Variants in SAMD4A observed in about 807,000 individuals in gnomAD.
SAMD4A encodes protein Smaug homolog 1.
Under a neutral mutation model 81.3 loss-of-function variants are expected in SAMD4A, and 33 were observed. The ratio of observed to expected loss-of-function variants is 0.41; its 90% CI spans 0.31 to 0.54. The LOEUF (loss-of-function observed/expected upper bound fraction) is 0.54. Ranked by LOEUF, SAMD4A falls within the 20% of genes least tolerant of loss-of-function variation. The probability of loss-of-function intolerance (pLI) is 0.37; values close to 1 mark genes in which losing one functional copy is unlikely to be tolerated. For synonymous variants in SAMD4A, 389 were observed against 382.1 expected (o/e 1.02, Z -0.21); for missense variants, 854 against 951.1 (o/e 0.90, Z 1.34).
chr14:54,589,046 T>C (rs1188951628), intron 2 of SAMD4A, among the ~76,000 whole-genome samples: 3 of 152,224 alleles, frequency 2.0e-5, no homozygotes, highest in Non-Finnish European at 4.4e-5. Context: ...AATTATAACA[T>C]TTTCGTACTT....
intron 2 of SAMD4A, among the ~76,000 whole-genome samples, chr14:54,617,838 G>A (rs1434686877): frequency 6.6e-6 from 1 of 152,116 alleles, no homozygotes. Flanking sequence ...TGAAAGTTGG[G>A]TGCCTTATTT....
At chr14:54,759,954 G>A in intron 6 of SAMD4A, among the ~76,000 whole-genome samples, 1 of 152,042 alleles carries the variant, frequency 6.6e-6, no homozygotes, top group African/African-American at 2.4e-5. Flanking sequence ...TATTTTCCTC[G>A]CTATACCTGT....
At chr14:54,736,891 A>C in intron 3 of SAMD4A, 133 bp from the exon 4 acceptor site, 1 of 1,051,920 alleles carries the variant, frequency 9.5e-7, no homozygotes, top group Non-Finnish European at 1.4e-6. Context: ...GCCTGTATTC[A>C]ACCTGCTGTG....
intron 4 of SAMD4A, 63 bp from the exon 5 acceptor site, chr14:54,748,752 C>T (rs1486300755): frequency 1.8e-6 from 2 of 1,141,540 alleles, no homozygotes; most frequent in African/African-American, 1.5e-5. Context: ...TCCTACATCT[C>T]TCGTCATCTC....
At chr14:54,649,169 T>A (rs184415052) in intron 2 of SAMD4A, among the ~76,000 whole-genome samples, 3 of 152,344 alleles carry the variant, frequency 2.0e-5, no homozygotes, top group Non-Finnish European at 1.5e-5. Context: ...GATGTCCTAG[T>A]GAGGCTGTCG....
intron 11 of SAMD4A, 43 bp downstream of exon 11, chr14:54,776,583 C>T (rs1339109906): frequency 2.0e-6 from 3 of 1,470,300 alleles, no homozygotes; most frequent in Non-Finnish European, 1.8e-6. Flanking sequence ...AGAGGGGAGG[C>T]CAAAATAGAT....
At chr14:54,621,935 A>G (rs1447949429) in intron 2 of SAMD4A, among the ~76,000 whole-genome samples, 1 of 152,084 alleles carries the variant, frequency 6.6e-6, no homozygotes, top group South Asian at 2.1e-4. Flanking sequence ...ATCCTTACTC[A>G]TTGTGTATTG....
At position 54,688,895 on chromosome 14, in the gene SAMD4A, A is replaced by G. The variant is rs201548832; in HGVS notation, c.197-13167A>G. ...GCTGGTTAAACACAGTTTTTGATTCAGTAGATCTATAGAGAGGGTCCCAGA... is the reference window on the plus strand; with the variant it reads ...GCTGGTTAAACACAGTTTTTGATTCGGTAGATCTATAGAGAGGGTCCCAGA... On this transcript the variant is annotated intron_variant, in intron 2 of 12. Transcript: ENST00000554335. Among the ~76,000 whole-genome samples the G allele has an allele frequency of 1.1e-4, 14 of 123,220 alleles. No homozygotes were observed. The East Asian group carries it at 2.6e-3, about 23-fold the overall frequency. The allele number at this position is 123,220 out of a possible 152,430, so 80.8% of individuals were successfully genotyped here.
intron 2 of SAMD4A, among the ~76,000 whole-genome samples, chr14:54,665,180 G>T (rs1457931733): frequency 1.3e-5 from 2 of 152,150 alleles, no homozygotes; most frequent in South Asian, 2.1e-4. Flanking sequence ...TTACAGTGAG[G>T]TGATTGTTAT....
intron 2 of SAMD4A, among the ~76,000 whole-genome samples, chr14:54,615,416 A>G (rs1381309590): frequency 6.6e-6 from 1 of 152,240 alleles, no homozygotes; most frequent in African/African-American, 2.4e-5. Context: ...TGAAAAATAC[A>G]TGTTCAGAGC....
chr14:54,761,423 G>A (rs189783452), intron 7 of SAMD4A, among the ~76,000 whole-genome samples: 25 of 152,314 alleles, frequency 1.6e-4, no homozygotes, highest in South Asian at 4.1e-4. Flanking sequence ...AAAGAGTCAC[G>A]TGTCATCTGG....
At chr14:54,619,686 A>G (rs189523270) in intron 2 of SAMD4A, among the ~76,000 whole-genome samples, 31 of 152,076 alleles carry the variant, frequency 2.0e-4, no homozygotes, top group Non-Finnish European at 3.5e-4. Context: ...GTTCCCCTCT[A>G]TGTGTCCAAG....
intron 2 of SAMD4A, among the ~76,000 whole-genome samples, chr14:54,569,864 A>G (rs545429117): frequency 1.2e-4 from 18 of 152,282 alleles, no homozygotes; most frequent in Non-Finnish European, 2.2e-4. Flanking sequence ...AGTAATGGAG[A>G]TGACTTTTCC....
intron 2 of SAMD4A, among the ~76,000 whole-genome samples, chr14:54,639,801 A>AATACAC (rs34386307): frequency 1.7e-4 from 26 of 148,950 alleles, no homozygotes; most frequent in African/African-American, 5.9e-4. Flanking sequence ...CATTGCTTGA[A>AATACAC]ACACACACAC....
chr14:54,782,658 G>A (rs2039028152), intron 11 of SAMD4A, among the ~76,000 whole-genome samples: 1 of 152,258 alleles, frequency 6.6e-6, no homozygotes, highest in South Asian at 2.1e-4. Context: ...GAAGAACACA[G>A]TCAGCTCTCT....
At chr14:54,662,318 T>G (rs2035659659) in intron 2 of SAMD4A, among the ~76,000 whole-genome samples, 1 of 152,114 alleles carries the variant, frequency 6.6e-6, no homozygotes, top group African/African-American at 2.4e-5. Context: ...ATTGAGGCTG[T>G]GCCTTTCTCT....
intron 2 of SAMD4A, among the ~76,000 whole-genome samples, chr14:54,669,243 C>A (rs919032193): frequency 6.6e-6 from 1 of 152,072 alleles, no homozygotes; most frequent in Non-Finnish European, 1.5e-5. Flanking sequence ...GGTTCACATG[C>A]CCCAGCCTGG....
At chr14:54,722,510 C>CA (rs1477712985) in intron 3 of SAMD4A, among the ~76,000 whole-genome samples, 1 of 152,036 alleles carries the variant, frequency 6.6e-6, no homozygotes, top group Non-Finnish European at 1.5e-5. Context: ...CCTTCTTTGT[C>CA]AAAAAGATAC....
At chr14:54,712,459 T>A (rs1233229656) in intron 3 of SAMD4A, among the ~76,000 whole-genome samples, 1 of 152,188 alleles carries the variant, frequency 6.6e-6, no homozygotes, top group African/African-American at 2.4e-5. Flanking sequence ...CCTTCCCCTT[T>A]GGGGGAAACT....
Sources: gnomAD v4.1 joint callset for allele counts (sites outside exome capture counted in the v4.1 genomes callset) on GRCh38, gnomAD v4.1.1 for gene constraint, MANE v1.5 for transcripts, NCBI Gene and HGNC (gene_info 2026-07-23, HGNC 2026-07-21) for gene names.